Variants in MYO7A observed in about 807,000 individuals in gnomAD.
MYO7A encodes myosin VIIA, also known as unconventional myosin-VIIa.
MYO7A carries 210 observed loss-of-function variants against 263.8 expected under a neutral mutation model. That is an observed-to-expected ratio of 0.80 (90% CI 0.71 to 0.89). MYO7A has a LOEUF of 0.89. Among genes scored for constraint, MYO7A ranks in the 40% least tolerant of loss-of-function variants. The probability of loss-of-function intolerance (pLI) is 0.00; values close to 1 mark genes in which losing one functional copy is unlikely to be tolerated. For missense variants in MYO7A, 2,820 were observed against 2,968.3 expected (o/e 0.95, Z 1.16); for synonymous variants, 1,239 against 1,197.3 (o/e 1.03, Z -0.72).
Position 77,162,301 on chromosome 11 carries a change from C to T in MYO7A, c.1525C>T (p.Leu509Phe). Residue 509 changes from leucine to phenylalanine, a missense_variant, in exon 13 of 49, where the codon CTC becomes TTC. By Grantham distance (22) the Leu-to-Phe change is conservative. Coordinates refer to ENST00000409709, the MANE Select transcript of MYO7A (RefSeq NM_000260.4). ...CAACAAGCCCATGAACATCATCTCCCTCATCGATGAGGAGAGCAAGTTCCC... is the reference window on the plus strand; with the variant it reads ...CAACAAGCCCATGAACATCATCTCCTTCATCGATGAGGAGAGCAAGTTCCC... The part of the protein sequence containing the change: ...IANKPMNIIS[L>F]IDEESKFPKG... The T allele has an allele frequency of 1.3e-6, 2 of 1,552,088 alleles. No homozygotes were observed. Among genetic ancestry groups the T allele is most frequent in the Non-Finnish European group, 1.7e-6 (2 of 1,147,214 alleles).
chr11:77,150,762 T>A (rs191492676), intron 4 of MYO7A, among the ~76,000 whole-genome samples: 2 of 152,280 alleles, frequency 1.3e-5, no homozygotes, highest in East Asian at 3.9e-4. Context: ...TCTCAGTGTC[T>A]CTTGGACTGG....
chr11:77,167,388 C>T (rs1322543017), intron 15 of MYO7A, among the ~76,000 whole-genome samples: 1 of 152,134 alleles, frequency 6.6e-6, no homozygotes, highest in Admixed American at 6.5e-5. Flanking sequence ...GATAACCTTG[C>T]AAGGCAGGAG....
intron 20 of MYO7A, 26 bp from the exon 21 acceptor site, chr11:77,179,709 T>C (rs1555082528): frequency 1.2e-5 from 18 of 1,510,082 alleles, no homozygotes; most frequent in Non-Finnish European, 1.5e-5. Context: ...CAGCAGGCTC[T>C]GAGCATGGGG....
intron 39 of MYO7A, 105 bp from the exon 40 acceptor site, chr11:77,205,357 G>A: frequency 7.5e-7 from 1 of 1,332,842 alleles, no homozygotes; most frequent in Non-Finnish European, 1.0e-6. Flanking sequence ...CGGTGCTGCT[G>A]TGATGAGCAG....
intron 36 of MYO7A, 86 bp from the exon 37 acceptor site, chr11:77,202,214 G>T: frequency 6.9e-7 from 1 of 1,454,562 alleles, no homozygotes. Flanking sequence ...GTCTCCCAGA[G>T]TCCAGAAGGC....
chr11:77,139,525 C>T (rs1311083107), intron 2 of MYO7A: 1 of 150,092 alleles, frequency 6.7e-6, no homozygotes, highest in African/African-American at 2.4e-5. Context: ...AAAGTTGTCA[C>T]GGAACATGGT....
chr11:77,207,537 C>T (rs1228029004), intron 42 of MYO7A, 135 bp downstream of exon 42: 6 of 708,646 alleles, frequency 8.5e-6, no homozygotes, highest in African/African-American at 1.7e-5. Flanking sequence ...TTCTTCCATC[C>T]CTGCAGCCTC....
At chr11:77,213,152 C>CCAT in intron 47 of MYO7A, 117 bp downstream of exon 47, 3 of 781,584 alleles carry the variant, frequency 3.8e-6, no homozygotes. Context: ...ACTCATCCAC[C>CCAT]CATCACGTGG....
intron 32 of MYO7A, among the ~76,000 whole-genome samples, chr11:77,196,571 C>G (rs1956679795): frequency 6.6e-6 from 1 of 152,238 alleles, no homozygotes; most frequent in Non-Finnish European, 1.5e-5. Flanking sequence ...GCTATGTGCA[C>G]TTCACTTCCC....
Position 77,203,696 on chromosome 11 carries a change from A to G in MYO7A, c.5327-380A>G, listed in dbSNP as rs186021832. Among the ~76,000 whole-genome samples, 29 of 152,332 alleles carry G rather than the reference A, an allele frequency of 1.9e-4. No individual in the cohort carries two copies. The East Asian group carries it at 3.1e-3, about 16-fold the overall frequency. On this transcript the variant is annotated intron_variant, in intron 38 of 48. Transcript: ENST00000409709. ...GAGCAGCAGCAAGGCCCCGAGGCACACAGAGCAGGGCTGTTCCAGGGCTCC... is the reference window on the plus strand; with the variant it reads ...GAGCAGCAGCAAGGCCCCGAGGCACGCAGAGCAGGGCTGTTCCAGGGCTCC...
intron 4 of MYO7A, among the ~76,000 whole-genome samples, chr11:77,150,033 C>T (rs372631867): frequency 4.6e-5 from 7 of 152,314 alleles, no homozygotes; most frequent in African/African-American, 1.7e-4. Context: ...CTCACCCAGG[C>T]CTGGGCAGTC....
intron 46 of MYO7A, chr11:77,212,691 G>A (rs1957961767): frequency 1.8e-6 from 1 of 555,856 alleles, no homozygotes. Flanking sequence ...GCAGGGTCCA[G>A]GAGGCTTTTT....
Position 77,147,930 on chromosome 11 carries a change from T to C in MYO7A, c.265T>C (p.Tyr89His). Residue 89 changes from tyrosine to histidine, a missense_variant, in exon 4 of 49, where the codon TAC becomes CAC. By Grantham distance (83) the Tyr-to-His change is moderately conservative (BLOSUM62 2). Transcript: ENST00000409709. ...CATCTTGCGCAACCTGCTTATCCGC[T>C]ACCGGGACCACCTCATCTACGTGAG... ...AGILRNLLIRYRDHLIYTYTG... is the reference protein window; with the variant it reads ...AGILRNLLIRHRDHLIYTYTG... 6.4e-7 allele frequency: 1 copy of C among 1,557,818 alleles called. No individual in the cohort carries two copies. Among genetic ancestry groups the C allele is most frequent in the Non-Finnish European group, 8.7e-7 (1 of 1,151,818 alleles).
At position 77,200,781 on chromosome 11, in the gene MYO7A, TC is replaced by T. The variant is rs565779142; in HGVS notation, c.4853-665del. Among the ~76,000 whole-genome samples, 267 of 152,310 alleles carry T rather than the reference TC, an allele frequency of 1.8e-3. 1 individual carries two copies. Among genetic ancestry groups the T allele is most frequent in the Admixed American group, 3.4e-3 (52 of 15,306 alleles). On this transcript the variant is annotated intron_variant, in intron 35 of 48. Transcript: ENST00000409709. ...TTCAATACTCATCTCCTGTCAGCTCTCCAAGTTAGATCAGGGTCCTCCTCAG... is the reference window on the plus strand; with the variant it reads ...TTCAATACTCATCTCCTGTCAGCTCTCAAGTTAGATCAGGGTCCTCCTCAG...
chr11:77,186,234 T>C lies in MYO7A; in HGVS notation c.3503+1519T>C, dbSNP rs1955637523. Reference sequence around the variant, plus strand: ...TGCAGCCAGCCTCTTGTACATAATTTTTAAGAGCCCCAGAATTTTTGGAAT... The same window carrying C: ...TGCAGCCAGCCTCTTGTACATAATTCTTAAGAGCCCCAGAATTTTTGGAAT... On this transcript the variant is annotated intron_variant, in intron 27 of 48. Transcript: ENST00000409709. Among the ~76,000 whole-genome samples the C allele has an allele frequency of 1.3e-5, 2 of 152,166 alleles. 1 individual carries two copies. The highest frequency in any genetic ancestry group is 2.9e-5 in the Non-Finnish European group (2 of 68,028).
In MYO7A at chr11:77,199,430, ACT is replaced by A. The variant is rs910752875; in HGVS notation, c.4569-102_4569-101del. ...TGGGTCTCCCTCTGGGCCATGCCTG[ACT>A]CTGGCCAGGCCAGCTCTGACTTAGC... On this transcript the variant is annotated intron_variant, in intron 34 of 48. Coordinates refer to ENST00000409709, the MANE Select transcript of MYO7A (RefSeq NM_000260.4). 26 of 1,266,480 alleles carry A rather than the reference ACT, an allele frequency of 2.1e-5. No individual in the cohort carries two copies. The African/African-American group carries it at 3.8e-4, about 18-fold the overall frequency. 78.5% of individuals were successfully genotyped at this position (1,266,480 alleles called of 1,614,324 possible). A position where few individuals can be genotyped will look rare whatever the true frequency, so the allele number is the denominator to read the frequency against.
At chr11:77,169,349 G>A (rs1449787081) in intron 15 of MYO7A, among the ~76,000 whole-genome samples, 2 of 152,246 alleles carry the variant, frequency 1.3e-5, no homozygotes, top group African/African-American at 4.8e-5. Flanking sequence ...GCTCTTCTAG[G>A]ATATTGAGTA....
intron 2 of MYO7A, among the ~76,000 whole-genome samples, chr11:77,141,522 A>AC (rs1222548149): frequency 8.5e-6 from 1 of 117,746 alleles, no homozygotes; most frequent in Non-Finnish European, 1.7e-5. Flanking sequence ...TTGGAGTACC[A>AC]CCCAAAAAAG....
At position 77,194,495 on chromosome 11, in the gene MYO7A, G is replaced by C; in HGVS notation, c.4294G>C (p.Ala1432Pro). The change falls in exon 32 of 49, where the codon GCC (alanine) becomes CCC (proline). Residue 1432 changes from alanine to proline, a missense_variant. Physicochemically the swap from Ala to Pro is conservative, Grantham distance 27. Coordinates refer to ENST00000409709, the MANE Select transcript of MYO7A (RefSeq NM_000260.4). Reference protein sequence around the residue: ...ITPLKTLEKWAQLAIAAHKKG... With the variant: ...ITPLKTLEKWPQLAIAAHKKG... Reference sequence around the variant, plus strand: ...GCCCCTGAAGACGCTGGAGAAGTGGGCCCAGCTGGCCATCGCCGCCCACAA... The same window carrying C: ...GCCCCTGAAGACGCTGGAGAAGTGGCCCCAGCTGGCCATCGCCGCCCACAA... The C allele has an allele frequency of 6.2e-7, 1 of 1,606,076 alleles. No individual in the cohort carries two copies. The highest frequency in any genetic ancestry group is 8.5e-7 in the Non-Finnish European group (1 of 1,176,518).
Sources: allele counts gnomAD v4.1 joint callset (sites outside exome capture counted in the v4.1 genomes callset), GRCh38; gene constraint gnomAD v4.1.1; transcripts MANE v1.5; gene names NCBI Gene and HGNC (gene_info 2026-07-23, HGNC 2026-07-21).